The following BIRC5 variants were observed in gnomAD, a reference collection of about 807,000 sequenced individuals.
BIRC5 encodes baculoviral IAP repeat-containing protein 5.
Under a neutral mutation model 15.8 loss-of-function variants are expected in BIRC5, and 8 were observed. The observed-to-expected ratio is 0.51, with a 90% CI of 0.30 to 0.91. The LOEUF (loss-of-function observed/expected upper bound fraction) is 0.91. Ranked by LOEUF, BIRC5 falls within the 40% of genes least tolerant of loss-of-function variation. The pLI is 0.07. For synonymous variants in BIRC5, 56 were observed against 64.5 expected (o/e 0.87, Z 0.63); for missense variants, 163 against 178.6 (o/e 0.91, Z 0.50).
intron 3 of BIRC5, among the ~76,000 whole-genome samples, chr17:78,222,613 C>T (rs1455821877): frequency 6.6e-6 from 1 of 152,136 alleles, no homozygotes; most frequent in Non-Finnish European, 1.5e-5. Context: ...TGCGGTGAGC[C>T]AAGATCGTGC....
rs2076481385 is a variant in BIRC5, at chr17:78,216,790, T to C, written c.339+9T>C. The C allele has an allele frequency of 3.7e-6, 6 of 1,603,892 alleles. No individual in the cohort carries two copies. Among genetic ancestry groups the C allele is most frequent in the African/African-American group, 1.3e-5 (1 of 74,822 alleles). On this transcript the variant is annotated intron_variant, in intron 3 of 3. Coordinates refer to ENST00000350051, the MANE Select transcript of BIRC5 (RefSeq NM_001168.3). Reference sequence around the variant, plus strand: ...GAGCCAAGAACAAAATTGTATGTATTGGGAATAAGAACTGCTCAAACCCTG... The same window carrying C: ...GAGCCAAGAACAAAATTGTATGTATCGGGAATAAGAACTGCTCAAACCCTG...
At position 78,220,655 on chromosome 17, in the gene BIRC5, C is replaced by G. The variant is rs1334801895; in HGVS notation, c.340-2810C>G. The stretch of plus-strand genomic sequence containing the variant: ...GTTTTTTTTGTTTGTTTGTTTTCCC[C>G]AATTCAGAATACAGAATACTTTTAT... On this transcript the variant is annotated intron_variant, in intron 3 of 3. Coordinates refer to ENST00000350051, the MANE Select transcript of BIRC5 (RefSeq NM_001168.3). 2.0e-5 allele frequency among the ~76,000 whole-genome samples: 3 copies of G among 152,178 alleles called. 1 individual carries two copies. The highest frequency in any genetic ancestry group is 7.2e-5 in the African/African-American group (3 of 41,536).
rs1567867135 is a variant in BIRC5, at chr17:78,223,773, C to CT, written c.*221dup. 42 of 1,015,920 alleles carry CT rather than the reference C, an allele frequency of 4.1e-5. No individual in the cohort carries two copies. Among genetic ancestry groups the CT allele is most frequent in the South Asian group, 4.1e-4 (17 of 41,468 alleles). 62.9% of individuals were successfully genotyped at this position (1,015,920 alleles called of 1,614,324 possible). ...CGGGTGCTGCTGGTAACAGTGGCTG[C>CT]TTCTCTCTCTCTCTCTCTTTTTTGG... On this transcript the variant is annotated 3_prime_UTR_variant, in exon 4 of 4. Transcript: ENST00000350051.
At chr17:78,214,855 G>A in intron 2 of BIRC5, 66 bp downstream of exon 2, 1 of 1,441,068 alleles carries the variant, frequency 6.9e-7, no homozygotes, top group South Asian at 1.2e-5. Context: ...GATTTGAGTT[G>A]CAAAGACACT....
At position 78,223,523 on chromosome 17, in the gene BIRC5, G is replaced by A. The variant is rs776654643; in HGVS notation, c.398G>A (p.Arg133His). Residue 133 changes from arginine (R) to histidine (H), a missense_variant, in exon 4 of 4, where the codon CGT becomes CAT. Arg to His is a conservative substitution (Grantham distance 29). Transcript: ENST00000350051. ...GAGGAAACTGCGGAGAAAGTGCGCC[G>A]TGCCATCGAGCAGCTGGCTGCCATG... ...EFEETAEKVR[R>H]AIEQLAAMD is the part of the protein sequence containing the mutation. 5.8e-5 allele frequency: 93 copies of A among 1,612,680 alleles called. No homozygotes were observed. The highest frequency in any genetic ancestry group is 7.7e-5 in the South Asian group (7 of 90,746).
rs766217359 is a variant in BIRC5, at chr17:78,216,688, C to A, written c.246C>A (p.Ser82=). 1 of 1,613,584 alleles carries A rather than the reference C, an allele frequency of 6.2e-7. No homozygotes were observed. Among genetic ancestry groups the A allele is most frequent in the Non-Finnish European group, 8.5e-7 (1 of 1,179,786 alleles). ...GAGAGGAACATAAAAAGCATTCGTC[C>A]GGTTGCGCTTTCCTTTCTGTCAAGA... ...DPIEEHKKHS[S]GCAFLSVKKQ... The change falls in exon 3 of 4, where the codon TCC becomes TCA. Residue 82 remains serine (S), a synonymous_variant. Coordinates refer to ENST00000350051, the MANE Select transcript of BIRC5 (RefSeq NM_001168.3).
intron 3 of BIRC5, among the ~76,000 whole-genome samples, chr17:78,220,297 G>A (rs997162628): frequency 2.0e-5 from 3 of 152,072 alleles, no homozygotes; most frequent in South Asian, 2.1e-4. Context: ...GCGTGGTGGC[G>A]GGCGCCTGTA....
chr17:78,214,461 C>T (rs1357512922), intron 1 of BIRC5, 34 bp downstream of exon 1: 2 of 1,495,432 alleles, frequency 1.3e-6, no homozygotes, highest in Non-Finnish European at 1.8e-6. Flanking sequence ...GTCCCCCACG[C>T]CCGCCTTGCC....
intron 3 of BIRC5, among the ~76,000 whole-genome samples, chr17:78,218,100 C>T (rs1410728761): frequency 3.3e-5 from 5 of 151,714 alleles, no homozygotes; most frequent in Non-Finnish European, 5.9e-5. Flanking sequence ...CATGAGCCAC[C>T]GTGCCCAGCT....
At chr17:78,218,858 C>T (rs569485939) in intron 3 of BIRC5, among the ~76,000 whole-genome samples, 51 of 152,066 alleles carry the variant, frequency 3.4e-4, no homozygotes, top group African/African-American at 1.1e-3. Context: ...CTGCCTGCCT[C>T]GGCCTCCCAA....
intron 3 of BIRC5, among the ~76,000 whole-genome samples, chr17:78,219,913 G>T (rs1180103320): frequency 6.6e-6 from 1 of 152,184 alleles, no homozygotes; most frequent in Non-Finnish European, 1.5e-5. Context: ...GGAGCAGAGT[G>T]GATGTGGAGG....
At chr17:78,216,923 A>T in intron 3 of BIRC5, 142 bp downstream of exon 3, 1 of 570,224 alleles carries the variant, frequency 1.8e-6, no homozygotes. Flanking sequence ...CTTGTTGCCC[A>T]GGCTGGAGTG....
chr17:78,223,336 A>G, intron 3 of BIRC5, 129 bp from the exon 4 acceptor site: 1 of 874,822 alleles, frequency 1.1e-6, no homozygotes, highest in South Asian at 2.1e-5. Context: ...GAATCTGCCT[A>G]GCCCAGTGCC....
rs1379911844 is a variant in BIRC5 at position 78,224,133 on chromosome 17, C to G, written c.*579C>G. On this transcript the variant is annotated 3_prime_UTR_variant, in exon 4 of 4. Coordinates refer to ENST00000350051, the MANE Select transcript of BIRC5 (RefSeq NM_001168.3). ...AATGGAGACAGAGTCCCTGGCTCCTCTACTGTTTAACAACATGGCTTTCTT... is the reference window on the plus strand; with the variant it reads ...AATGGAGACAGAGTCCCTGGCTCCTGTACTGTTTAACAACATGGCTTTCTT... The G allele has an allele frequency of 1.3e-5, 2 of 151,684 alleles. No homozygotes were observed. Among genetic ancestry groups the G allele is most frequent in the African/African-American group, 4.9e-5 (2 of 40,952 alleles). 9.4% of individuals were successfully genotyped at this position (151,684 alleles called of 1,614,324 possible).
At chr17:78,217,561 A>G (rs17878683) in intron 3 of BIRC5, among the ~76,000 whole-genome samples, 2,773 of 151,814 alleles carry the variant, frequency 0.018, 34 homozygotes, top group Middle Eastern at 0.038. Flanking sequence ...CAGCGACGGG[A>G]TCTCGGCTCA....
rs759084233 is a variant in BIRC5, at chr17:78,215,947, C to T, written c.222-717C>T. On this transcript the variant is annotated intron_variant, in intron 2 of 3. Coordinates refer to ENST00000350051, the MANE Select transcript of BIRC5 (RefSeq NM_001168.3). ...GAACCCGGGGCAATAATGCCCTTCTCTGCCCTTAATCCTTACAGTGGGCCG... is the reference window on the plus strand; with the variant it reads ...GAACCCGGGGCAATAATGCCCTTCTTTGCCCTTAATCCTTACAGTGGGCCG... 7 of 1,066,220 alleles carry T rather than the reference C, an allele frequency of 6.6e-6. No individual in the cohort carries two copies. In the South Asian group the frequency reaches 2.1e-4, roughly 32 times the overall value. 66.0% of individuals were successfully genotyped at this position (1,066,220 alleles called of 1,614,324 possible).
chr17:78,222,686 TAA>T (rs2076523298), intron 3 of BIRC5: 1 of 1,231,540 alleles, frequency 8.1e-7, no homozygotes, highest in Admixed American at 3.2e-5. Flanking sequence ...TAATTTTTTT[TAA>T]GTTAACCTCT....
At chr17:78,221,951 C>T (rs2076518304) in intron 3 of BIRC5, among the ~76,000 whole-genome samples, 1 of 152,138 alleles carries the variant, frequency 6.6e-6, no homozygotes, top group African/African-American at 2.4e-5. Context: ...AATCCCAGCA[C>T]TTTGGGAGGC....
At chr17:78,223,101 G>A in intron 3 of BIRC5, 1 of 1,142,402 alleles carries the variant, frequency 8.8e-7, no homozygotes, top group Non-Finnish European at 1.2e-6. Context: ...TACTTTGAGT[G>A]GCTCCTTCAG....
Sources: gnomAD v4.1 joint callset for allele counts (sites outside exome capture counted in the v4.1 genomes callset) on GRCh38, gnomAD v4.1.1 for gene constraint, MANE v1.5 for transcripts, NCBI Gene and HGNC (gene_info 2026-07-23, HGNC 2026-07-21) for gene names.